CALN1: variants seen among roughly 807,000 people sequenced by gnomAD.
CALN1 encodes calcium-binding protein 8.
Under a neutral mutation model 30.6 loss-of-function variants are expected in CALN1, and 17 were observed. The ratio of observed to expected loss-of-function variants is 0.56; its 90% CI spans 0.38 to 0.83. CALN1 has a LOEUF of 0.83. Among genes scored for constraint, CALN1 ranks in the 40% least tolerant of loss-of-function variants. The pLI is 0.00. For missense variants in CALN1, 291 were observed against 354.9 expected (o/e 0.82, Z 1.45); for synonymous variants, 156 against 131.4 (o/e 1.19, Z -1.28).
intron 3 of CALN1, among the ~76,000 whole-genome samples, chr7:72,181,669 G>A (rs1435900846): frequency 6.6e-6 from 1 of 152,106 alleles, no homozygotes; most frequent in Non-Finnish European, 1.5e-5. Context: ...TAGAGTCATG[G>A]TTTCGCCATG....
chr7:72,257,576 T>C (rs1795997413), intron 3 of CALN1, among the ~76,000 whole-genome samples: 2 of 152,118 alleles, frequency 1.3e-5, no homozygotes, highest in African/African-American at 4.8e-5. Context: ...GAACTAAAAG[T>C]AGATCTACCA....
intron 2 of CALN1, among the ~76,000 whole-genome samples, chr7:72,392,464 A>T (rs1222711020): frequency 1.3e-5 from 2 of 152,160 alleles, no homozygotes; most frequent in Non-Finnish European, 2.9e-5. Flanking sequence ...AACGGTGCTG[A>T]TGGGAGAGAC....
intron 3 of CALN1, among the ~76,000 whole-genome samples, chr7:72,155,718 C>A (rs1173432893): frequency 2.0e-5 from 3 of 152,132 alleles, no homozygotes; most frequent in Non-Finnish European, 4.4e-5. Context: ...ACAAATTACC[C>A]TAACTCTATG....
chr7:72,317,020 G>A (rs1800507413), intron 2 of CALN1, among the ~76,000 whole-genome samples: 1 of 145,494 alleles, frequency 6.9e-6, no homozygotes, highest in Admixed American at 7.1e-5. Context: ...AAGAAGGAAG[G>A]AAAGGAGAGG....
chr7:72,139,476 C>T (rs1809739081), intron 3 of CALN1, among the ~76,000 whole-genome samples: 1 of 151,002 alleles, frequency 6.6e-6, no homozygotes, highest in Non-Finnish European at 1.5e-5. Flanking sequence ...ACTTCAGCCA[C>T]ACCCACCCCT....
chr7:72,451,191 A>G (rs1007589023), upstream of CALN1, among the ~76,000 whole-genome samples: 26 of 113,088 alleles, frequency 2.3e-4, no homozygotes, highest in Middle Eastern at 4.1e-3. Context: ...GGAGGAGGAG[A>G]AGAAGAAGAA....
chr7:71,863,470 A>AT (rs1791410374), intron 5 of CALN1, among the ~76,000 whole-genome samples: 1 of 140,500 alleles, frequency 7.1e-6, no homozygotes, highest in African/African-American at 2.6e-5. Flanking sequence ...AGGCAGGAGA[A>AT]TTGCTTGAAC....
intron 4 of CALN1, among the ~76,000 whole-genome samples, chr7:72,040,102 C>A (rs1053948766): frequency 6.6e-6 from 1 of 152,154 alleles, no homozygotes; most frequent in Non-Finnish European, 1.5e-5. Context: ...CCCTTCCCCA[C>A]CCTGAGAAGG....
intron 2 of CALN1, among the ~76,000 whole-genome samples, chr7:72,284,581 A>G (rs990497321): frequency 6.6e-6 from 1 of 152,166 alleles, no homozygotes; most frequent in Non-Finnish European, 1.5e-5. Flanking sequence ...ACTAAGAAAG[A>G]ATTTGCTCTT....
In CALN1 at chr7:72,353,219, C is replaced by T. The variant is rs151205601; in HGVS notation, c.119+50032G>A. On this transcript the variant is annotated intron_variant, in intron 2 of 6. Transcript: ENST00000395275. ...TAAAATGCTTTCATAAAATAGAGAG[C>T]GGGAACACAGCTCAACTCATTTTAT... Among the ~76,000 whole-genome samples the T allele has an allele frequency of 1.8e-4, 27 of 151,528 alleles. No homozygotes were observed. The East Asian group carries it at 4.9e-3, about 27-fold the overall frequency.
intron 5 of CALN1, among the ~76,000 whole-genome samples, chr7:71,827,788 AAAT>A (rs1789014546): frequency 6.7e-6 from 1 of 149,374 alleles, no homozygotes; most frequent in Non-Finnish European, 1.5e-5. Context: ...ATAAATAAAT[AAAT>A]AAATAAATAA....
rs59664198 is a variant in CALN1, at chr7:71,894,907, A to G, written c.502-84415T>C. Among the ~76,000 whole-genome samples, 99 of 152,232 alleles carry G rather than the reference A, an allele frequency of 6.5e-4. 1 individual carries two copies. The highest frequency in any genetic ancestry group is 2.4e-3 in the African/African-American group (99 of 41,546). On this transcript the variant is annotated intron_variant, in intron 5 of 6. Coordinates refer to ENST00000395275, the MANE Select transcript of CALN1 (RefSeq NM_031468.4). ...TTTCCATATTTCTGACTGGTTATTG[A>G]TAAGAAAAACAGACTGCAATGTTTG... is the stretch of plus-strand genomic sequence containing the variant.
Position 71,840,993 on chromosome 7 carries a change from G to A in CALN1, c.502-30501C>T, listed in dbSNP as rs192388313. On this transcript the variant is annotated intron_variant, in intron 5 of 6. Coordinates refer to ENST00000395275, the MANE Select transcript of CALN1 (RefSeq NM_031468.4). ...AACCTTTTTAAAGGTAAAGAGTCAG[G>A]GAAGCATCTGTCACAGAATGATAGC... Among the ~76,000 whole-genome samples the A allele has an allele frequency of 9.2e-5, 14 of 152,152 alleles. No individual in the cohort carries two copies. In the East Asian group the frequency reaches 2.5e-3, roughly 27 times the overall value.
At chr7:72,320,328 T>C (rs529159690) in intron 2 of CALN1, among the ~76,000 whole-genome samples, 12 of 152,040 alleles carry the variant, frequency 7.9e-5, no homozygotes, top group Non-Finnish European at 1.6e-4. Flanking sequence ...TCCCAGGAAA[T>C]CCAGTCCAGT....
chr7:71,933,343 G>A (rs1006875873), intron 5 of CALN1, among the ~76,000 whole-genome samples: 2 of 152,070 alleles, frequency 1.3e-5, no homozygotes, highest in African/African-American at 4.8e-5. Flanking sequence ...AGAAGACACT[G>A]CCTCCTCAAG....
At chr7:72,014,378 C>T (rs1047443238) in intron 5 of CALN1, among the ~76,000 whole-genome samples, 9 of 152,124 alleles carry the variant, frequency 5.9e-5, no homozygotes, top group Non-Finnish European at 1.0e-4. Context: ...TGAGCCACTG[C>T]AACCAGCTGA....
At chr7:71,834,382 A>G (rs1421919244) in intron 5 of CALN1, among the ~76,000 whole-genome samples, 1 of 149,706 alleles carries the variant, frequency 6.7e-6, no homozygotes, top group Non-Finnish European at 1.5e-5. Context: ...AAATCAGAAG[A>G]CTTAAGTCAA....
intron 3 of CALN1, among the ~76,000 whole-genome samples, chr7:72,154,895 T>A (rs1489792225): frequency 1.5e-5 from 1 of 67,064 alleles, no homozygotes; most frequent in East Asian, 2.0e-4. Flanking sequence ...GTCTCTACAA[T>A]TTTTTTTTTT....
At chr7:71,934,707 T>C (rs1426956927) in intron 5 of CALN1, among the ~76,000 whole-genome samples, 2 of 151,848 alleles carry the variant, frequency 1.3e-5, no homozygotes, top group African/African-American at 4.8e-5. Flanking sequence ...CTGAGGGTTG[T>C]ATTAGTCTGT....
Sources: gnomAD v4.1 joint callset for allele counts (sites outside exome capture counted in the v4.1 genomes callset) on GRCh38, gnomAD v4.1.1 for gene constraint, MANE v1.5 for transcripts, NCBI Gene and HGNC (gene_info 2026-07-23, HGNC 2026-07-21) for gene names.